The following ENOSF1 variants were observed in gnomAD, a reference collection of about 807,000 sequenced individuals.
The protein encoded by ENOSF1 is mitochondrial enolase superfamily member 1.
A neutral mutation model predicts 68.2 loss-of-function variants in ENOSF1; 73 were observed. That is an observed-to-expected ratio of 1.07 (90% CI 0.89 to 1.30). The LOEUF is 1.30. Ranked by LOEUF, ENOSF1 falls within the 50% of genes most tolerant of loss-of-function variation. ENOSF1 has a pLI of 0.00. For synonymous variants in ENOSF1, 223 were observed against 210.4 expected, an observed-to-expected ratio of 1.06 and a Z score of -0.52; for missense variants, 589 against 554.5, an observed-to-expected ratio of 1.06 and a Z score of -0.62.
At chr18:678,609 G>A in intron 12 of ENOSF1, 87 bp downstream of exon 12, 1 of 1,326,942 alleles carries the variant, frequency 7.5e-7, no homozygotes, top group Non-Finnish European at 1.1e-6. Flanking sequence ...AGGTGATGGA[G>A]CCTAACACAC....
At chr18:707,215 G>A (rs1382034318) in intron 1 of ENOSF1, among the ~76,000 whole-genome samples, 2 of 152,022 alleles carry the variant, frequency 1.3e-5, no homozygotes, top group African/African-American at 2.4e-5. Flanking sequence ...AAATAGAGAT[G>A]GAGTCTTGCA....
At chr18:683,411 A>G in intron 10 of ENOSF1, 31 bp from the exon 11 acceptor site, 5 of 1,611,472 alleles carry the variant, frequency 3.1e-6, no homozygotes, top group Non-Finnish European at 4.2e-6. Context: ...CAGGGAGGTC[A>G]GCCCTGAGCC....
In ENOSF1 at chr18:673,120, T is replaced by C. The variant is rs2075142765; in HGVS notation, c.*1185A>G. On this transcript the variant is annotated 3_prime_UTR_variant, in exon 16 of 16. Coordinates refer to ENST00000647584, the MANE Select transcript of ENOSF1 (RefSeq NM_017512.7). ...AGGTCAAAAATCTGTCCGTGACCTA[T>C]CAGTTATTAATTTTTAAGGATGTTG... 2.7e-6 allele frequency: 3 copies of C among 1,091,910 alleles called. No homozygotes were observed. Among genetic ancestry groups the C allele is most frequent in the Admixed American group, 4.9e-5 (2 of 40,756 alleles). 67.6% of individuals were successfully genotyped at this position (1,091,910 alleles called of 1,614,324 possible).
chr18:684,217 A>G (rs576639287), intron 10 of ENOSF1, among the ~76,000 whole-genome samples: 1,777 of 151,814 alleles, frequency 0.012, 14 homozygotes, highest in Non-Finnish European at 0.018. Flanking sequence ...GGATGGTCTC[A>G]ATCTCCTGAC....
chr18:698,529 C>T (rs971502077), intron 2 of ENOSF1, among the ~76,000 whole-genome samples: 3 of 152,108 alleles, frequency 2.0e-5, no homozygotes, highest in African/African-American at 7.2e-5. Flanking sequence ...TTACTATTGA[C>T]TTTCTTATGA....
rs904595917 is a variant in ENOSF1 at position 686,011 on chromosome 18, A to G, written c.654-3T>C. On this transcript the variant is annotated splice_region_variant and splice_polypyrimidine_tract_variant and intron_variant, in intron 9 of 15. Coordinates refer to ENST00000647584, the MANE Select transcript of ENOSF1 (RefSeq NM_017512.7). ...CAGCACCCACCTTTACTTTAAACCT[A>G]GAAAATGCATTTGGTTTGCTAGTTT... 2.5e-6 allele frequency: 4 copies of G among 1,612,948 alleles called. No homozygotes were observed. Among genetic ancestry groups the G allele is most frequent in the African/African-American group, 1.3e-5 (1 of 75,012 alleles).
intron 8 of ENOSF1, among the ~76,000 whole-genome samples, chr18:690,027 C>G (rs1160718428): frequency 1.3e-5 from 2 of 152,104 alleles, no homozygotes; most frequent in East Asian, 1.9e-4. Context: ...CGTGGAGGTA[C>G]TGGGAGTGTG....
At chr18:711,223 T>A (rs1252190150) in intron 1 of ENOSF1, among the ~76,000 whole-genome samples, 1 of 152,146 alleles carries the variant, frequency 6.6e-6, no homozygotes, top group Non-Finnish European at 1.5e-5. Context: ...AATAAAAATT[T>A]AAAAATGCAG....
chr18:683,873 T>C (rs1212096811), intron 10 of ENOSF1, among the ~76,000 whole-genome samples: 2 of 152,162 alleles, frequency 1.3e-5, no homozygotes, highest in African/African-American at 4.8e-5. Flanking sequence ...ATGGCACACC[T>C]ACTCCACTAG....
chr18:704,440 G>GAAC (rs1342421871), intron 2 of ENOSF1, among the ~76,000 whole-genome samples: 5 of 97,240 alleles, frequency 5.1e-5, no homozygotes, highest in Middle Eastern at 7.1e-3. Flanking sequence ...AAAAAGAAAA[G>GAAC]AAAAAAAAAA....
In ENOSF1 at chr18:671,150, T is replaced by C; in HGVS notation, c.*3155A>G. ...GGTTGGGTATGGTGGCTCATGCCTG[T>C]AATCCCAGCACTTTGGGAGACTGAG... On this transcript the variant is annotated 3_prime_UTR_variant, in exon 16 of 16. Transcript: ENST00000647584. 1 of 613,496 alleles carries C rather than the reference T, an allele frequency of 1.6e-6. No individual in the cohort carries two copies. The highest frequency in any genetic ancestry group is 2.8e-5 in the East Asian group (1 of 36,156). The allele number at this position is 613,496 out of a possible 1,614,324, so 38.0% of individuals were successfully genotyped here. A position where few individuals can be genotyped will look rare whatever the true frequency, so the allele number is the denominator to read the frequency against.
intron 12 of ENOSF1, 40 bp downstream of exon 12, chr18:678,656 C>A (rs1568021072): frequency 6.2e-7 from 1 of 1,610,120 alleles, no homozygotes; most frequent in Non-Finnish European, 8.5e-7. Flanking sequence ...GTGTACTGAC[C>A]CCAAGGGGAC....
intron 1 of ENOSF1, among the ~76,000 whole-genome samples, chr18:711,576 GT>G (rs768948643): frequency 1.4e-4 from 22 of 152,220 alleles, no homozygotes; most frequent in Non-Finnish European, 2.5e-4. Flanking sequence ...TGAGGACCCA[GT>G]GGGGAACAGG....
At position 672,749 on chromosome 18, in the gene ENOSF1, G is replaced by A. The variant is rs118065220; in HGVS notation, c.*1556C>T. On this transcript the variant is annotated 3_prime_UTR_variant, in exon 16 of 16. Transcript: ENST00000647584. ...AAGGTATCGACAGGATCATACTCCT[G>A]TAAAATAGAACTTTGTTGATCACAT... 6.8e-5 allele frequency: 87 copies of A among 1,284,138 alleles called. No individual in the cohort carries two copies. In the East Asian group the frequency reaches 2.0e-3, roughly 30 times the overall value. The allele number at this position is 1,284,138 out of a possible 1,614,324, so 79.5% of individuals were successfully genotyped here. A position where few individuals can be genotyped will look rare whatever the true frequency, so the allele number is the denominator to read the frequency against.
Position 677,736 on chromosome 18 carries a change from C to G in ENOSF1, c.1048+7G>C. 6.2e-7 allele frequency: 1 copy of G among 1,611,394 alleles called. No individual in the cohort carries two copies. Among genetic ancestry groups the G allele is most frequent in the Non-Finnish European group, 8.5e-7 (1 of 1,179,122 alleles). Reference sequence around the variant, plus strand: ...GGTCTGGTCTGCAGCCGCTGCAGCACGCTTACTTTCAAACTTTTTGGCCAT... The same window carrying G: ...GGTCTGGTCTGCAGCCGCTGCAGCAGGCTTACTTTCAAACTTTTTGGCCAT... On this transcript the variant is annotated splice_region_variant and intron_variant, in intron 13 of 15. Coordinates refer to ENST00000647584, the MANE Select transcript of ENOSF1 (RefSeq NM_017512.7).
chr18:673,299 A>G lies in ENOSF1; in HGVS notation c.*1006T>C, dbSNP rs1294303909. The G allele has an allele frequency of 7.9e-6, 2 of 252,440 alleles. No homozygotes were observed. Among genetic ancestry groups the G allele is most frequent in the East Asian group, 1.2e-4 (2 of 16,738 alleles). 15.6% of individuals were successfully genotyped at this position (252,440 alleles called of 1,614,324 possible). ...AAACATGTATGTGCATTTCAATCCC[A>G]CGTACTTATAAAGAAGGTTGGTGAA... On this transcript the variant is annotated 3_prime_UTR_variant, in exon 16 of 16. Coordinates refer to ENST00000647584, the MANE Select transcript of ENOSF1 (RefSeq NM_017512.7).
Position 672,847 on chromosome 18 carries a change from A to G in ENOSF1, c.*1458T>C. ...ACAATTATGGCAAAATAATGGCCTT[A>G]TTTTGTTTTTAGCTTCAGCGAGAAC... On this transcript the variant is annotated 3_prime_UTR_variant, in exon 16 of 16. Transcript: ENST00000647584. 6.5e-7 allele frequency: 1 copy of G among 1,549,146 alleles called. No individual in the cohort carries two copies. The highest frequency in any genetic ancestry group is 8.8e-7 in the Non-Finnish European group (1 of 1,133,746).
At chr18:687,142 A>G (rs2076687739) in intron 9 of ENOSF1, 1 of 152,120 alleles carries the variant, frequency 6.6e-6, no homozygotes. Flanking sequence ...AGCTCATATT[A>G]TTTCTACTGA....
downstream of ENOSF1, chr18:668,956 G>A: frequency 1.3e-6 from 1 of 759,390 alleles, no homozygotes; most frequent in East Asian, 2.7e-5. Context: ...ATGTCTTGTA[G>A]CCATGGGTCA....
Sources: allele counts gnomAD v4.1 joint callset (sites outside exome capture counted in the v4.1 genomes callset), GRCh38; gene constraint gnomAD v4.1.1; transcripts MANE v1.5; gene names NCBI Gene and HGNC (gene_info 2026-07-23, HGNC 2026-07-21).